Variants in CDH13 observed in about 807,000 individuals in gnomAD.
CDH13 encodes the protein cadherin-13.
CDH13 carries 24 observed loss-of-function variants against 63.8 expected under a neutral mutation model. The ratio of observed to expected loss-of-function variants is 0.38; its 90% CI spans 0.27 to 0.53. The LOEUF is 0.53. Among genes scored for constraint, CDH13 ranks in the 20% least tolerant of loss-of-function variants. The pLI is 0.85. For missense variants in CDH13, 1,049 were observed against 903.1 expected (o/e 1.16, Z -2.07); for synonymous variants, 503 against 355.3 (o/e 1.42, Z -4.67).
chr16:82,815,830 A>G (rs1281372345), intron 1 of CDH13, among the ~76,000 whole-genome samples: 4 of 152,186 alleles, frequency 2.6e-5, no homozygotes, highest in Admixed American at 6.5e-5. Flanking sequence ...ATTATATTCC[A>G]GATAGTTCAC....
At chr16:83,549,261 T>A (rs2075446690) in intron 7 of CDH13, among the ~76,000 whole-genome samples, 1 of 152,154 alleles carries the variant, frequency 6.6e-6, no homozygotes, top group African/African-American at 2.4e-5. Context: ...CGAGAAAACA[T>A]CCCACTCTCC....
At chr16:83,007,776 A>T (rs527340169) in intron 2 of CDH13, among the ~76,000 whole-genome samples, 1 of 151,774 alleles carries the variant, frequency 6.6e-6, no homozygotes, top group Admixed American at 6.6e-5. Context: ...GTGAGCTAAG[A>T]TCACACCACT....
At chr16:83,708,248 A>G (rs413924) in intron 10 of CDH13, among the ~76,000 whole-genome samples, 139,491 of 152,278 alleles carry the variant, frequency 0.92, 64,047 homozygotes, top group Admixed American at 0.96. Flanking sequence ...CCTCTCAAAT[A>G]CTTCCCAGGA....
chr16:82,880,935 T>C (rs1361407632), intron 2 of CDH13, among the ~76,000 whole-genome samples: 3 of 152,188 alleles, frequency 2.0e-5, no homozygotes, highest in Non-Finnish European at 4.4e-5. Context: ...TGAAAACCAA[T>C]GGGATAAACT....
In CDH13 at chr16:83,670,828, T is replaced by A. The variant is rs1914436524; in HGVS notation, c.1140T>A (p.Ile380=). The A allele has an allele frequency of 6.2e-7, 1 of 1,613,876 alleles. No homozygotes were observed. The highest frequency in any genetic ancestry group is 8.5e-7 in the Non-Finnish European group (1 of 1,179,868). ...ATVEEGAVGV[I]VNLTVEDKDD... is the part of the protein sequence containing the mutation. ...TCGAGGAAGGAGCTGTGGGAGTTAT[T>A]GTCAATTTGACAGTTGAAGATAAGG... Residue 380 remains isoleucine, a synonymous_variant, in exon 9 of 14, where the codon ATT becomes ATA. Coordinates refer to ENST00000567109, the MANE Select transcript of CDH13 (RefSeq NM_001257.5).
rs181536852 is a variant in CDH13, at chr16:83,713,224, G to A, written c.1538+34763G>A. Reference sequence around the variant, plus strand: ...TTCCAACCCTCTCTCCGTCTAACGGGCTGGGGTCCTTCATGGACGCATTGA... The same window carrying A: ...TTCCAACCCTCTCTCCGTCTAACGGACTGGGGTCCTTCATGGACGCATTGA... On this transcript the variant is annotated intron_variant, in intron 10 of 13. Transcript: ENST00000567109. 1.2e-3 allele frequency among the ~76,000 whole-genome samples: 176 copies of A among 152,264 alleles called. 1 individual carries two copies. Among genetic ancestry groups the A allele is most frequent in the Non-Finnish European group, 2.9e-4 (20 of 68,032 alleles).
intron 3 of CDH13, among the ~76,000 whole-genome samples, chr16:83,093,159 T>C (rs1399038526): frequency 6.6e-6 from 1 of 152,198 alleles, no homozygotes. Flanking sequence ...GAACTTCTTG[T>C]TCTGTCTCAT....
At chr16:83,093,421 C>A (rs556441517) in intron 3 of CDH13, among the ~76,000 whole-genome samples, 1 of 142,626 alleles carries the variant, frequency 7.0e-6, no homozygotes, top group Non-Finnish European at 1.5e-5. Context: ...CGGGTTCAAG[C>A]GATTCTCCTG....
At chr16:83,486,678 T>C (rs1374274413) in intron 7 of CDH13, 23 bp downstream of exon 7, 3 of 1,608,498 alleles carry the variant, frequency 1.9e-6, no homozygotes, top group African/African-American at 1.3e-5. Flanking sequence ...GAATACACTT[T>C]CTTTTTCACG....
At position 82,858,483 on chromosome 16, in the gene CDH13, G is replaced by A. The variant is rs2039795333; in HGVS notation, c.157+10G>A. 3 of 1,486,788 alleles carry A rather than the reference G, an allele frequency of 2.0e-6. No individual in the cohort carries two copies. Among genetic ancestry groups the A allele is most frequent in the Admixed American group, 1.7e-5 (1 of 59,768 alleles). 92.1% of individuals were successfully genotyped at this position (1,486,788 alleles called of 1,614,324 possible). On this transcript the variant is annotated intron_variant, in intron 2 of 13. Coordinates refer to ENST00000567109, the MANE Select transcript of CDH13 (RefSeq NM_001257.5). ...CAGTCAATTCTAAACTGTAAGCAAT[G>A]TCACTCAAAGATGCTTTTAGACTCT...
chr16:82,643,684 C>T (rs1909705129), intron 1 of CDH13, among the ~76,000 whole-genome samples: 2 of 152,170 alleles, frequency 1.3e-5, no homozygotes, highest in Admixed American at 1.3e-4. Context: ...TAGTAGCCTA[C>T]CCTGGTGTAG....
intron 13 of CDH13, among the ~76,000 whole-genome samples, chr16:83,789,750 T>C (rs897723858): frequency 3.3e-5 from 5 of 152,240 alleles, no homozygotes; most frequent in African/African-American, 7.2e-5. Context: ...TTGATGTTTC[T>C]TTAAAGCAGG....
In CDH13 at chr16:83,745,488, G is replaced by A. The variant is rs893372309; in HGVS notation, c.1539-2620G>A. On this transcript the variant is annotated intron_variant, in intron 10 of 13. Transcript: ENST00000567109. The stretch of plus-strand genomic sequence containing the variant: ...TGATTGGTTCTGAGACTCCAGGAGA[G>A]GCTGGGAACACTCGGAGGGGCTCTG... Among the ~76,000 whole-genome samples the A allele has an allele frequency of 2.0e-5, 3 of 152,346 alleles. No individual in the cohort carries two copies. The East Asian group carries it at 5.8e-4, about 29-fold the overall frequency.
chr16:83,599,422 C>T (rs1006744439), intron 7 of CDH13, among the ~76,000 whole-genome samples: 5 of 152,172 alleles, frequency 3.3e-5, no homozygotes, highest in Non-Finnish European at 7.4e-5. Context: ...TGGATAAAAA[C>T]ATTGAAATAT....
chr16:82,707,866 G>A (rs1003044816), intron 1 of CDH13, among the ~76,000 whole-genome samples: 1 of 152,172 alleles, frequency 6.6e-6, no homozygotes, highest in Non-Finnish European at 1.5e-5. Context: ...CCAAAGAAAG[G>A]AGCATATGTG....
chr16:83,780,202 G>C lies in CDH13; in HGVS notation c.1915+1G>C. The C allele has an allele frequency of 6.4e-7, 1 of 1,573,138 alleles. No homozygotes were observed. The stretch of plus-strand genomic sequence containing the variant: ...GTCTGGAAGATCTCCAAGATCAACA[G>C]TAAGTCTGGCTAAAGCATTTCTGCC... On this transcript the variant is annotated splice_donor_variant, in intron 12 of 13. Transcript: ENST00000567109. LOFTEE classifies it high-confidence loss of function.
intron 2 of CDH13, among the ~76,000 whole-genome samples, chr16:83,030,166 A>G (rs750578867): frequency 1.3e-5 from 2 of 152,140 alleles, no homozygotes; most frequent in Non-Finnish European, 2.9e-5. Context: ...AAGGTATTCC[A>G]TGGCAGGAAC....
intron 7 of CDH13, among the ~76,000 whole-genome samples, chr16:83,520,599 A>G (rs1478571035): frequency 6.6e-6 from 1 of 152,202 alleles, no homozygotes; most frequent in African/African-American, 2.4e-5. Flanking sequence ...CCTTAGAGCC[A>G]GGTTCTTGTT....
At position 83,113,374 on chromosome 16, in the gene CDH13, C is replaced by T. The variant is rs930517900; in HGVS notation, c.367-12011C>T. Among the ~76,000 whole-genome samples, 10 of 152,204 alleles carry T rather than the reference C, an allele frequency of 6.6e-5. No individual in the cohort carries two copies. In the East Asian group the frequency reaches 1.5e-3, roughly 23 times the overall value. On this transcript the variant is annotated intron_variant, in intron 3 of 13. Transcript: ENST00000567109. ...TCTGCACCAGCTACTGTGCTAACTC[C>T]GTTACCTGGATTACTCAAATTCTTA... is the stretch of plus-strand genomic sequence containing the variant.
Sources: allele counts gnomAD v4.1 joint callset (sites outside exome capture counted in the v4.1 genomes callset), GRCh38; gene constraint gnomAD v4.1.1; transcripts MANE v1.5; gene names NCBI Gene and HGNC (gene_info 2026-07-23, HGNC 2026-07-21).